FHIP2B: variants seen among roughly 807,000 people sequenced by gnomAD.
FHIP2B encodes the protein FHF complex subunit HOOK interacting protein 2B, also known as FHF complex subunit HOOK-interacting protein 2B.
FHIP2B carries 72 observed loss-of-function variants against 84.0 expected under a neutral mutation model. That is an observed-to-expected ratio of 0.86 (90% CI 0.71 to 1.04). The LOEUF is 1.04. Among genes scored for constraint, FHIP2B ranks in the 50% least tolerant of loss-of-function variants. The probability of loss-of-function intolerance (pLI) is 0.00; values close to 1 mark genes in which losing one functional copy is unlikely to be tolerated. For missense variants in FHIP2B, 972 were observed against 968.9 expected (o/e 1.00, Z -0.04); for synonymous variants, 497 against 418.7 (o/e 1.19, Z -2.28).
In FHIP2B at chr8:22,098,500, C is replaced by G; in HGVS notation, c.846C>G (p.Tyr282Ter). 6.2e-7 allele frequency: 1 copy of G among 1,613,408 alleles called. No individual in the cohort carries two copies. Reference sequence around the variant, plus strand: ...TGGCCTCCCCAGCAGCTGCCACCTACCTGGTACAGAGCAGCGCCTGCTGCC... The same window carrying G: ...TGGCCTCCCCAGCAGCTGCCACCTAGCTGGTACAGAGCAGCGCCTGCTGCC... Reference protein sequence around the residue: ...VSMASPAAATYLVQSSACCPA... With the variant: ...VSMASPAAAT Residue 282 changes from tyrosine (Y) to a stop codon, truncating the protein, a stop_gained, in exon 7 of 17, where the codon TAC becomes TAG. Transcript: ENST00000289921. LOFTEE classifies it high-confidence loss of function.
At chr8:22,090,508 C>T (rs989673121) in intron 1 of FHIP2B, among the ~76,000 whole-genome samples, 1 of 152,208 alleles carries the variant, frequency 6.6e-6, no homozygotes, top group African/African-American at 2.4e-5. Flanking sequence ...CCAGTCAAAA[C>T]AGCTGTGATC....
At chr8:22,093,744 T>G (rs1825621879) in intron 1 of FHIP2B, among the ~76,000 whole-genome samples, 1 of 95,810 alleles carries the variant, frequency 1.0e-5, no homozygotes, top group African/African-American at 4.3e-5. Context: ...TGAGATAGGG[T>G]CTCACCTTGT....
At chr8:22,100,505 G>A (rs139289129) in intron 10 of FHIP2B, 89 bp from the exon 11 acceptor site, 31,166 of 1,378,262 alleles carry the variant, frequency 0.023, 426 homozygotes, top group Non-Finnish European at 0.026. Context: ...TGCCTCAGAG[G>A]TCTTTTCTTA....
chr8:22,100,439 C>G, intron 10 of FHIP2B, 155 bp from the exon 11 acceptor site: 1 of 724,378 alleles, frequency 1.4e-6, no homozygotes, highest in South Asian at 3.8e-5. Context: ...TAGGCCCACA[C>G]CCCCCAACTA....
At chr8:22,090,336 G>A (rs751652787) in intron 1 of FHIP2B, among the ~76,000 whole-genome samples, 4 of 152,168 alleles carry the variant, frequency 2.6e-5, no homozygotes, top group Non-Finnish European at 5.9e-5. Context: ...ACCCTCATGG[G>A]AGCTCCTGTT....
chr8:22,097,664 C>A (rs367901523), intron 4 of FHIP2B, 44 bp downstream of exon 4: 1,436 of 1,605,982 alleles, frequency 8.9e-4, no homozygotes, highest in Non-Finnish European at 1.1e-3. Context: ...GTGAGGCCCC[C>A]TCTCTCCCCT....
chr8:22,099,722 G>C lies in FHIP2B; in HGVS notation c.1170G>C (p.Leu390Phe). 6.3e-7 allele frequency: 1 copy of C among 1,592,216 alleles called. No individual in the cohort carries two copies. Among genetic ancestry groups the C allele is most frequent in the Non-Finnish European group, 8.5e-7 (1 of 1,173,210 alleles). ...CCCGTAGGTCCGAGCAGAGCATCTT[G>C]ACCTCCACCGCCCTCCTCACAGCCA... ...QLLHVSEQSI[L>F]TSTALLTAML... Residue 390 changes from leucine (L) to phenylalanine (F), a missense_variant, in exon 10 of 17, where the codon TTG becomes TTC. Transcript: ENST00000289921.
chr8:22,101,997 CT>C, intron 14 of FHIP2B, 146 bp downstream of exon 14: 2 of 1,504,244 alleles, frequency 1.3e-6, no homozygotes, highest in South Asian at 1.3e-5. Flanking sequence ...CGTCTCACCC[CT>C]GCTCCACACG....
At chr8:22,091,242 T>C (rs1825476694) in intron 1 of FHIP2B, among the ~76,000 whole-genome samples, 1 of 1,450 alleles carries the variant, frequency 6.9e-4, no homozygotes, top group African/African-American at 7.6e-4. Flanking sequence ...CATTACAGCT[T>C]TTTTTTTTTT....
intron 3 of FHIP2B, 35 bp downstream of exon 3, chr8:22,096,544 G>A: frequency 1.4e-6 from 2 of 1,480,586 alleles, no homozygotes; most frequent in Non-Finnish European, 1.8e-6. Context: ...CCAGGCCGAG[G>A]TGGGAGGCCT....
At chr8:22,093,960 G>A (rs1014398611) in intron 1 of FHIP2B, among the ~76,000 whole-genome samples, 1 of 152,048 alleles carries the variant, frequency 6.6e-6, no homozygotes, top group Non-Finnish European at 1.5e-5. Context: ...CGAGCCGTCT[G>A]CCCACCTTTG....
rs1448133190 is a variant in FHIP2B, at chr8:22,089,238, G to C, written c.-16G>C. On this transcript the variant is annotated 5_prime_UTR_variant, in exon 1 of 17. Coordinates refer to ENST00000289921, the MANE Select transcript of FHIP2B (RefSeq NM_022749.7). The stretch of plus-strand genomic sequence containing the variant: ...CGCCGCCGCTTTCGCCCGGGAGCCG[G>C]GGGCCGGGCGCCATCATGCTGAGCC... The C allele has an allele frequency of 6.6e-6, 7 of 1,060,706 alleles. No homozygotes were observed. The highest frequency in any genetic ancestry group is 8.0e-6 in the Non-Finnish European group (7 of 879,802). The allele number at this position is 1,060,706 out of a possible 1,614,324, so 65.7% of individuals were successfully genotyped here.
At position 22,089,176 on chromosome 8, in the gene FHIP2B, G is replaced by C. The variant is rs1249226100; in HGVS notation, c.-78G>C. 3.2e-6 allele frequency: 3 copies of C among 943,426 alleles called. No homozygotes were observed. Among genetic ancestry groups the C allele is most frequent in the Non-Finnish European group, 2.6e-6 (2 of 777,254 alleles). 58.4% of individuals were successfully genotyped at this position (943,426 alleles called of 1,614,324 possible). On this transcript the variant is annotated 5_prime_UTR_variant, in exon 1 of 17. Transcript: ENST00000289921. The stretch of plus-strand genomic sequence containing the variant: ...CCCCCCTCGTCGCGCCGGGGCCGCC[G>C]GGGCCACGGGGCTGCCTCCTCCGCC...
chr8:22,089,567 G>T (rs1563584659), intron 1 of FHIP2B, among the ~76,000 whole-genome samples: 1 of 151,908 alleles, frequency 6.6e-6, no homozygotes, highest in Non-Finnish European at 1.5e-5. Flanking sequence ...TCCTGGCCCC[G>T]GAGTCTCTCC....
intron 3 of FHIP2B, chr8:22,096,867 G>T (rs1025303967): frequency 9.9e-6 from 2 of 202,136 alleles, no homozygotes; most frequent in Non-Finnish European, 2.0e-5. Flanking sequence ...TCTAGATGCT[G>T]GGGACACAGC....
In FHIP2B at chr8:22,103,684, C is replaced by A. The variant is rs1164755355; in HGVS notation, c.*753C>A. ...ACCCGTCTCAGCAGGTCCACAGCAC[C>A]TGGGCAGAGGTCAGAGACCAGGGGA... On this transcript the variant is annotated 3_prime_UTR_variant, in exon 17 of 17. Coordinates refer to ENST00000289921, the MANE Select transcript of FHIP2B (RefSeq NM_022749.7). 2.0e-5 allele frequency: 3 copies of A among 152,360 alleles called. No individual in the cohort carries two copies. Among genetic ancestry groups the A allele is most frequent in the Non-Finnish European group, 4.4e-5 (3 of 68,122 alleles). 9.4% of individuals were successfully genotyped at this position (152,360 alleles called of 1,614,324 possible).
chr8:22,101,152 A>G (rs1013845150), intron 12 of FHIP2B, 180 bp downstream of exon 12: 12 of 756,822 alleles, frequency 1.6e-5, no homozygotes, highest in African/African-American at 3.5e-5. Context: ...CCTCCCGAGT[A>G]CCTGGGATTA....
At position 22,104,549 on chromosome 8, in the gene FHIP2B, C is replaced by T. The variant is rs1826294729; in HGVS notation, c.*1618C>T. The T allele has an allele frequency of 6.6e-6, 1 of 152,130 alleles. No homozygotes were observed. Among genetic ancestry groups the T allele is most frequent in the Non-Finnish European group, 1.5e-5 (1 of 68,018 alleles). The allele number at this position is 152,130 out of a possible 1,614,324, so 9.4% of individuals were successfully genotyped here. The stretch of plus-strand genomic sequence containing the variant: ...GCTCTGGCAGTGCAGATCTGCTGAT[C>T]CTCAGCGCCTGCCAGGAGCCAGACT... On this transcript the variant is annotated 3_prime_UTR_variant, in exon 17 of 17. Transcript: ENST00000289921.
intron 1 of FHIP2B, among the ~76,000 whole-genome samples, chr8:22,091,166 A>G (rs1020935616): frequency 4.6e-5 from 7 of 151,482 alleles, no homozygotes; most frequent in African/African-American, 1.7e-4. Context: ...TAGTAAGTCA[A>G]CTGATTACTC....
Sources: gnomAD v4.1 joint callset for allele counts (sites outside exome capture counted in the v4.1 genomes callset) on GRCh38, gnomAD v4.1.1 for gene constraint, MANE v1.5 for transcripts, NCBI Gene and HGNC (gene_info 2026-07-23, HGNC 2026-07-21) for gene names.